Variants in UBASH3B observed in about 807,000 individuals in gnomAD.
The protein encoded by UBASH3B is ubiquitin associated and SH3 domain containing B.
A neutral mutation model predicts 83.4 loss-of-function variants in UBASH3B; 37 were observed. The observed-to-expected ratio is 0.44, with a 90% CI of 0.34 to 0.58. The LOEUF is 0.58. UBASH3B is among the 20% of genes least tolerant of loss of function. The pLI is 0.01. For synonymous variants in UBASH3B, 304 were observed against 318.3 expected (o/e 0.96, Z 0.48); for missense variants, 657 against 827.2 (o/e 0.79, Z 2.52).
chr11:122,775,582 G>A (rs1428530404), intron 1 of UBASH3B: 4 of 152,130 alleles, frequency 2.6e-5, no homozygotes, highest in Non-Finnish European at 5.9e-5. Context: ...GTACCAGCCT[G>A]GGCAACATAA....
intron 1 of UBASH3B, among the ~76,000 whole-genome samples, chr11:122,728,491 G>T (rs574354627): frequency 6.6e-6 from 1 of 152,320 alleles, no homozygotes; most frequent in South Asian, 2.1e-4. Context: ...TTTATCTTAG[G>T]TCTGAGCTGT....
At chr11:122,656,812 T>A (rs1405656751) in intron 1 of UBASH3B, among the ~76,000 whole-genome samples, 2 of 152,190 alleles carry the variant, frequency 1.3e-5, no homozygotes, top group African/African-American at 4.8e-5. Context: ...GGAGAAGCGA[T>A]CCCTCCAGGG....
rs1861168543 is a variant in UBASH3B at position 122,797,005 on chromosome 11, G to A, written c.1329G>A (p.Val443=). The A allele has an allele frequency of 1.2e-6, 2 of 1,613,258 alleles. No individual in the cohort carries two copies. Among genetic ancestry groups the A allele is most frequent in the Non-Finnish European group, 8.5e-7 (1 of 1,179,606 alleles). Residue 443 remains valine (V), a synonymous_variant, in exon 9 of 14, where the codon GTG becomes GTA. Coordinates refer to ENST00000284273, the MANE Select transcript of UBASH3B (RefSeq NM_032873.5). ...ACGAGAAAGATGCTCCCATCACTGT[G>A]TTTGGATGCATGCAAGCAAGACTAG... ...RDYEKDAPIT[V]FGCMQARLVG... is the part of the protein sequence containing the mutation.
chr11:122,669,748 A>G (rs566505387), intron 1 of UBASH3B, among the ~76,000 whole-genome samples: 12 of 152,352 alleles, frequency 7.9e-5, no homozygotes, highest in African/African-American at 2.6e-4. Context: ...TTTATTCTTC[A>G]TAACAACCCT....
intron 7 of UBASH3B, among the ~76,000 whole-genome samples, chr11:122,795,550 G>A (rs1297928490): frequency 6.6e-6 from 1 of 152,238 alleles, no homozygotes; most frequent in African/African-American, 2.4e-5. Flanking sequence ...ATTTGGACAA[G>A]CCTTTGACTA....
intron 1 of UBASH3B, among the ~76,000 whole-genome samples, chr11:122,764,229 C>G (rs1321367446): frequency 6.6e-6 from 1 of 152,210 alleles, no homozygotes; most frequent in Non-Finnish European, 1.5e-5. Flanking sequence ...ACAGTCTTAT[C>G]TAGCCATAAG....
At chr11:122,721,039 A>G (rs962501989) in intron 1 of UBASH3B, among the ~76,000 whole-genome samples, 3 of 152,048 alleles carry the variant, frequency 2.0e-5, no homozygotes, top group Admixed American at 6.5e-5. Flanking sequence ...AGGTCAGGAG[A>G]TGGAGACCAT....
At chr11:122,722,706 AT>A (rs1860660736) in intron 1 of UBASH3B, among the ~76,000 whole-genome samples, 1 of 134,906 alleles carries the variant, frequency 7.4e-6, no homozygotes, top group African/African-American at 2.5e-5. Context: ...CAGATCTGGT[AT>A]TTCTTTTTTT....
At chr11:122,808,442 T>C (rs1861380252) in intron 13 of UBASH3B, among the ~76,000 whole-genome samples, 1 of 152,214 alleles carries the variant, frequency 6.6e-6, no homozygotes, top group Admixed American at 6.5e-5. Flanking sequence ...AAGCAAATTG[T>C]CTGGATTTCC....
chr11:122,732,659 G>A (rs11218783), intron 1 of UBASH3B, among the ~76,000 whole-genome samples: 47,466 of 152,018 alleles, frequency 0.31, 8,867 homozygotes, highest in Middle Eastern at 0.49. Context: ...AGATGAAATC[G>A]TGGTTTGTCT....
At chr11:122,710,282 G>T (rs1864175166) in intron 1 of UBASH3B, among the ~76,000 whole-genome samples, 1 of 152,096 alleles carries the variant, frequency 6.6e-6, no homozygotes, top group Admixed American at 6.5e-5. Context: ...AGAGGTAAAT[G>T]CAGTTTAGGA....
chr11:122,698,993 G>A (rs1863999473), intron 1 of UBASH3B, among the ~76,000 whole-genome samples: 1 of 152,090 alleles, frequency 6.6e-6, no homozygotes, highest in Non-Finnish European at 1.5e-5. Flanking sequence ...GGGGCTGCAG[G>A]TGCCCAGCAC....
chr11:122,731,603 T>C (rs1860845280), intron 1 of UBASH3B, among the ~76,000 whole-genome samples: 1 of 152,180 alleles, frequency 6.6e-6, no homozygotes, highest in African/African-American at 2.4e-5. Flanking sequence ...ACAGCCTGTA[T>C]CCAGACTAGA....
chr11:122,664,093 G>A (rs1316268340), intron 1 of UBASH3B, among the ~76,000 whole-genome samples: 1 of 152,118 alleles, frequency 6.6e-6, no homozygotes, highest in African/African-American at 2.4e-5. Context: ...TTGGGTATAA[G>A]GCTGTAAGAT....
At chr11:122,684,190 G>T (rs10892883) in intron 1 of UBASH3B, among the ~76,000 whole-genome samples, 104,686 of 152,086 alleles carry the variant, frequency 0.69, 39,429 homozygotes, top group Admixed American at 0.83. Flanking sequence ...GAGTCTGTGT[G>T]CACATTCAAC....
chr11:122,767,696 C>T (rs1311905885), intron 1 of UBASH3B, among the ~76,000 whole-genome samples: 3 of 152,110 alleles, frequency 2.0e-5, no homozygotes, highest in Non-Finnish European at 4.4e-5. Flanking sequence ...CTCGCTTTTC[C>T]CAAGCCACAC....
intron 4 of UBASH3B, 109 bp downstream of exon 4, chr11:122,779,804 G>A (rs1214723812): frequency 1.5e-6 from 2 of 1,294,010 alleles, no homozygotes; most frequent in East Asian, 2.4e-5. Flanking sequence ...AGGAGGTGGA[G>A]GACCCTGCAG....
intron 1 of UBASH3B, among the ~76,000 whole-genome samples, chr11:122,744,945 G>A (rs1211539833): frequency 1.3e-5 from 2 of 151,022 alleles, no homozygotes; most frequent in East Asian, 3.9e-4. Context: ...CACAGCCCGG[G>A]GAAGGGCAGC....
At chr11:122,713,000 T>C (rs925856429) in intron 1 of UBASH3B, among the ~76,000 whole-genome samples, 1 of 140,648 alleles carries the variant, frequency 7.1e-6, no homozygotes. Flanking sequence ...CTCCGCCTCC[T>C]GGGTTCACGC....
Sources: allele counts gnomAD v4.1 joint callset (sites outside exome capture counted in the v4.1 genomes callset), GRCh38; gene constraint gnomAD v4.1.1; transcripts MANE v1.5; gene names NCBI Gene and HGNC (gene_info 2026-07-23, HGNC 2026-07-21).